The following MCPH1 variants were observed in gnomAD, a reference collection of about 807,000 sequenced individuals.
The protein encoded by MCPH1 is microcephalin.
In MCPH1, 104 loss-of-function variants were observed where a neutral mutation model predicts 84.5. That is an observed-to-expected ratio of 1.23 (90% CI 1.05 to 1.45). The LOEUF is 1.45. MCPH1 is among the 40% of genes most tolerant of loss of function. The pLI is 0.00. For synonymous variants in MCPH1, 514 were observed against 366.8 expected (o/e 1.40, Z -4.58); for missense variants, 1,498 against 1,005.7 (o/e 1.49, Z -6.62).
chr8:6,454,221 C>T (rs756110900), intron 8 of MCPH1, among the ~76,000 whole-genome samples: 2 of 152,048 alleles, frequency 1.3e-5, no homozygotes, highest in Non-Finnish European at 2.9e-5. Flanking sequence ...TTGTGAGCTC[C>T]CTAAGTGTGG....
chr8:6,468,870 A>T (rs1807338565), intron 9 of MCPH1, among the ~76,000 whole-genome samples: 1 of 152,100 alleles, frequency 6.6e-6, no homozygotes, highest in Non-Finnish European at 1.5e-5. Flanking sequence ...AAGGAAGGAC[A>T]ATGAAGTTTT....
chr8:6,503,336 C>T, intron 12 of MCPH1: 2 of 1,537,552 alleles, frequency 1.3e-6, no homozygotes, highest in Non-Finnish European at 8.9e-7. Context: ...CAATACTCAG[C>T]TAAGGCAGGA....
At position 6,445,693 on chromosome 8, in the gene MCPH1, A is replaced by T. The variant is rs539167298; in HGVS notation, c.1825+146A>T. 8.9e-5 allele frequency: 127 copies of T among 1,434,404 alleles called. No homozygotes were observed. In the African/African-American group the frequency reaches 1.6e-3, roughly 18 times the overall value. The allele number at this position is 1,434,404 out of a possible 1,614,324, so 88.9% of individuals were successfully genotyped here. A position where few individuals can be genotyped will look rare whatever the true frequency, so the allele number is the denominator to read the frequency against. ...AAAGAATGTGCATTTGATCATTCCA[A>T]TGATAAACTCTTTAGGAATAGATGA... is the stretch of plus-strand genomic sequence containing the variant. On this transcript the variant is annotated intron_variant, in intron 8 of 13. Coordinates refer to ENST00000344683, the MANE Select transcript of MCPH1 (RefSeq NM_024596.5).
chr8:6,487,482 T>G (rs574811216), intron 11 of MCPH1, among the ~76,000 whole-genome samples: 1 of 152,384 alleles, frequency 6.6e-6, no homozygotes, highest in East Asian at 1.9e-4. Context: ...AGCTTTTCAC[T>G]GGTGTTAGTT....
chr8:6,603,100 G>A (rs1254984480), intron 12 of MCPH1, among the ~76,000 whole-genome samples: 2 of 151,740 alleles, frequency 1.3e-5, no homozygotes, highest in African/African-American at 4.9e-5. Flanking sequence ...TATTTTCTCA[G>A]TTTCCCCAAA....
intron 13 of MCPH1, among the ~76,000 whole-genome samples, chr8:6,624,504 G>A (rs1340141437): frequency 2.6e-5 from 4 of 152,214 alleles, no homozygotes; most frequent in South Asian, 4.1e-4. Context: ...TCTCTGAGAT[G>A]TAAGATCACG....
At chr8:6,629,200 C>T (rs752703085) in intron 13 of MCPH1, among the ~76,000 whole-genome samples, 32 of 152,196 alleles carry the variant, frequency 2.1e-4, no homozygotes, top group Admixed American at 1.0e-3. Flanking sequence ...TGGTGGCTTA[C>T]GCCTATAATC....
At chr8:6,509,207 T>A (rs1814427279) in intron 12 of MCPH1, 1 of 1,081,466 alleles carries the variant, frequency 9.2e-7, no homozygotes, top group Non-Finnish European at 1.3e-6. Context: ...ACAAAATATT[T>A]TGCACTGGTA....
In MCPH1 at chr8:6,562,170, A is replaced by G. The variant is rs1160240442; in HGVS notation, c.2215-59284A>G. Among the ~76,000 whole-genome samples the G allele has an allele frequency of 3.9e-5, 6 of 152,142 alleles. No homozygotes were observed. The South Asian group carries it at 1.2e-3, about 32-fold the overall frequency. ...AGTAAATAAATTCAGGAAATTGGTA[A>G]AGCACTTTACTCCATCCGTTATGCC... On this transcript the variant is annotated intron_variant, in intron 12 of 13. Transcript: ENST00000344683.
At chr8:6,610,301 A>C (rs990019896) in intron 12 of MCPH1, among the ~76,000 whole-genome samples, 1 of 152,234 alleles carries the variant, frequency 6.6e-6, no homozygotes, top group African/African-American at 2.4e-5. Flanking sequence ...GATTTTAGAC[A>C]AACTCTAAGT....
chr8:6,533,756 TA>T (rs1819981331), intron 12 of MCPH1, among the ~76,000 whole-genome samples: 1 of 152,130 alleles, frequency 6.6e-6, no homozygotes, highest in Non-Finnish European at 1.5e-5. Context: ...TGCCCTCCTT[TA>T]AAAACTTAGA....
At chr8:6,441,876 CT>C (rs1803567066) in intron 6 of MCPH1, among the ~76,000 whole-genome samples, 190 bp from the exon 7 acceptor site, 1 of 152,228 alleles carries the variant, frequency 6.6e-6, no homozygotes, top group Admixed American at 6.5e-5. Context: ...CTAGAACAGA[CT>C]GGAAATGTTC....
At chr8:6,446,884 TGCGTCGACA>T (rs1231833473) in intron 8 of MCPH1, 1 of 984,766 alleles carries the variant, frequency 1.0e-6, no homozygotes, top group Non-Finnish European at 1.2e-6. Flanking sequence ...ACTGCCCCCC[TGCGTCGACA>T]GCCTCCGGGG....
intron 12 of MCPH1, chr8:6,621,134 C>T (rs1223623689): frequency 2.5e-6 from 1 of 394,500 alleles, no homozygotes; most frequent in Non-Finnish European, 4.8e-6. Context: ...AGAGTTCAGC[C>T]TAGCTATGGC....
chr8:6,456,591 G>C (rs575351352), intron 9 of MCPH1, among the ~76,000 whole-genome samples: 5 of 151,974 alleles, frequency 3.3e-5, no homozygotes, highest in East Asian at 1.9e-4. Flanking sequence ...CCCTCTGCCA[G>C]TGTCTGCCCA....
In MCPH1 at chr8:6,528,140, A is replaced by G. The variant is rs972020995; in HGVS notation, c.2214+28211A>G. 3.3e-5 allele frequency among the ~76,000 whole-genome samples: 5 copies of G among 152,180 alleles called. No individual in the cohort carries two copies. In the South Asian group the frequency reaches 6.2e-4, roughly 19 times the overall value. On this transcript the variant is annotated intron_variant, in intron 12 of 13. Transcript: ENST00000344683. ...TGGAACTCCTGACCTCAAGGGATTCACCTGCCTCGGCCTCCCATAGTGCTG... is the reference window on the plus strand; with the variant it reads ...TGGAACTCCTGACCTCAAGGGATTCGCCTGCCTCGGCCTCCCATAGTGCTG...
intron 8 of MCPH1, among the ~76,000 whole-genome samples, chr8:6,452,401 G>T (rs548190734): frequency 2.3e-4 from 35 of 152,168 alleles, no homozygotes; most frequent in Non-Finnish European, 3.8e-4. Context: ...AAAAATGTGG[G>T]GTCTGTCAGA....
chr8:6,601,857 A>G (rs1296580103), intron 12 of MCPH1, among the ~76,000 whole-genome samples: 1 of 152,218 alleles, frequency 6.6e-6, no homozygotes, highest in African/African-American at 2.4e-5. Flanking sequence ...AGCATTCCCC[A>G]GAGCTTCTAG....
chr8:6,566,371 A>G (rs1017759324), intron 12 of MCPH1, among the ~76,000 whole-genome samples: 5 of 148,896 alleles, frequency 3.4e-5, no homozygotes, highest in Admixed American at 6.7e-5. Flanking sequence ...AGCAGTACAC[A>G]CAGTGCAGCA....
Sources: gnomAD v4.1 joint callset for allele counts (sites outside exome capture counted in the v4.1 genomes callset) on GRCh38, gnomAD v4.1.1 for gene constraint, MANE v1.5 for transcripts, NCBI Gene and HGNC (gene_info 2026-07-23, HGNC 2026-07-21) for gene names.